The following PDE7B variants were observed in gnomAD, a reference collection of about 807,000 sequenced individuals.
The protein encoded by PDE7B is 3',5'-cyclic-AMP phosphodiesterase 7B.
A neutral mutation model predicts 56.2 loss-of-function variants in PDE7B; 29 were observed. That is an observed-to-expected ratio of 0.52 (90% CI 0.38 to 0.70). PDE7B has a LOEUF of 0.70. PDE7B is among the 30% of genes least tolerant of loss of function. PDE7B has a pLI of 0.00. For synonymous variants in PDE7B, 197 were observed against 196.9 expected (o/e 1.00, Z 0.00); for missense variants, 490 against 565.0 (o/e 0.87, Z 1.35).
chr6:136,171,679 C>T (rs1301712144), intron 8 of PDE7B, among the ~76,000 whole-genome samples: 4 of 151,702 alleles, frequency 2.6e-5, no homozygotes, highest in African/African-American at 9.7e-5. Context: ...GGTACATGTG[C>T]ACAATGTGCA....
intron 2 of PDE7B, among the ~76,000 whole-genome samples, chr6:135,969,802 A>G (rs969325493): frequency 6.6e-6 from 1 of 152,208 alleles, no homozygotes; most frequent in African/African-American, 2.4e-5. Flanking sequence ...AACTATCATC[A>G]GCGTCTGAGT....
chr6:136,155,438 A>G (rs1244001518), intron 7 of PDE7B, among the ~76,000 whole-genome samples, 189 bp from the exon 8 acceptor site: 1 of 152,218 alleles, frequency 6.6e-6, no homozygotes, highest in Non-Finnish European at 1.5e-5. Flanking sequence ...AATATTTTCC[A>G]CACAGTCCTT....
chr6:136,158,746 C>G (rs892581228), intron 8 of PDE7B, among the ~76,000 whole-genome samples: 5 of 152,144 alleles, frequency 3.3e-5, no homozygotes, highest in African/African-American at 1.2e-4. Context: ...CTTGGCACCT[C>G]TCTCATCAGA....
intron 5 of PDE7B, among the ~76,000 whole-genome samples, chr6:136,150,859 G>GTGTGTGTGTGTA (rs1161659212): frequency 2.5e-4 from 38 of 152,042 alleles, no homozygotes; most frequent in African/African-American, 8.9e-4. Flanking sequence ...ATACACATGT[G>GTGTGTGTGTGTA]TGTGTGTGTG....
At chr6:136,116,417 T>A (rs1478017022) in intron 3 of PDE7B, among the ~76,000 whole-genome samples, 3 of 152,164 alleles carry the variant, frequency 2.0e-5, no homozygotes, top group East Asian at 3.8e-4. Flanking sequence ...TTTGAGAAAA[T>A]TAACTAACAT....
chr6:136,138,260 T>C (rs1230997606), intron 3 of PDE7B, among the ~76,000 whole-genome samples: 1 of 152,144 alleles, frequency 6.6e-6, no homozygotes, highest in Non-Finnish European at 1.5e-5. Flanking sequence ...AAAGTAAATA[T>C]GGTAGCTATG....
intron 2 of PDE7B, among the ~76,000 whole-genome samples, chr6:136,008,742 T>C (rs1455019386): frequency 6.6e-6 from 1 of 152,220 alleles, no homozygotes; most frequent in South Asian, 2.1e-4. Flanking sequence ...TAGCCCTTTG[T>C]CAGATGAGTA....
At chr6:136,027,166 T>C (rs957035164) in intron 2 of PDE7B, among the ~76,000 whole-genome samples, 3 of 152,206 alleles carry the variant, frequency 2.0e-5, no homozygotes, top group African/African-American at 7.2e-5. Context: ...TCTGGAACTG[T>C]GAGAAATGAA....
intron 2 of PDE7B, chr6:136,072,428 G>A (rs1474914711): frequency 1.3e-5 from 2 of 152,324 alleles, no homozygotes; most frequent in African/African-American, 4.8e-5. Flanking sequence ...GGGCTCAAGC[G>A]ATCCTCCTGC....
In PDE7B at chr6:135,977,837, T is replaced by C. The variant is rs370383447; in HGVS notation, c.82+30313T>C. Reference sequence around the variant, plus strand: ...AGCTATTAGGTGGGGGCAAAAGTAATTGTGGTTTTTGCCATGAAAGTAATG... The same window carrying C: ...AGCTATTAGGTGGGGGCAAAAGTAACTGTGGTTTTTGCCATGAAAGTAATG... On this transcript the variant is annotated intron_variant, in intron 2 of 12. Transcript: ENST00000308191. 9.9e-5 allele frequency among the ~76,000 whole-genome samples: 15 copies of C among 152,248 alleles called. 1 individual carries two copies. The highest frequency in any genetic ancestry group is 5.2e-4 in the Admixed American group (8 of 15,282).
At chr6:135,941,257 T>G (rs1192219498) in intron 1 of PDE7B, among the ~76,000 whole-genome samples, 1 of 152,214 alleles carries the variant, frequency 6.6e-6, no homozygotes, top group Non-Finnish European at 1.5e-5. Flanking sequence ...GTTTGATTTT[T>G]TTTTTCCCCA....
intron 7 of PDE7B, among the ~76,000 whole-genome samples, chr6:136,155,203 A>G (rs1778584498): frequency 6.6e-6 from 1 of 152,188 alleles, no homozygotes; most frequent in South Asian, 2.1e-4. Flanking sequence ...GATATATTAG[A>G]CAGTTGAAAT....
At chr6:135,997,792 A>T (rs1775592213) in intron 2 of PDE7B, among the ~76,000 whole-genome samples, 1 of 152,220 alleles carries the variant, frequency 6.6e-6, no homozygotes, top group Non-Finnish European at 1.5e-5. Flanking sequence ...ATACAATATC[A>T]ACTATGTAAT....
In PDE7B at chr6:135,935,089, TAATATATATTTCTCTATATATTTTATATA is replaced by T. The variant is rs1351061592; in HGVS notation, c.22-12374_22-12346del. The stretch of plus-strand genomic sequence containing the variant: ...ATATATTTATATATAAATAAATATA[TAATATATATTTCTCTATATATTTTATATA>T]GAGAGAGATGAAGTATATATTTATA... On this transcript the variant is annotated intron_variant, in intron 1 of 12. Transcript: ENST00000308191. Among the ~76,000 whole-genome samples, 14 of 86,344 alleles carry T rather than the reference TAATATATATTTCTCTATATATTTTATATA, an allele frequency of 1.6e-4. 1 individual carries two copies. The highest frequency in any genetic ancestry group is 7.2e-4 in the African/African-American group (14 of 19,422). The allele number at this position is 86,344 out of a possible 152,430, so 56.6% of individuals were successfully genotyped here.
intron 1 of PDE7B, among the ~76,000 whole-genome samples, chr6:135,914,981 T>TACTTGGGAGGCTAAAGCAGGAG (rs1776275841): frequency 6.6e-6 from 1 of 151,606 alleles, no homozygotes; most frequent in African/African-American, 2.4e-5. Flanking sequence ...TAATCCCAGC[T>TACTTGGGAGGCTAAAGCAGGAG]ACTTGGGAGG....
intron 2 of PDE7B, among the ~76,000 whole-genome samples, chr6:136,036,280 A>G (rs1387658218): frequency 6.6e-6 from 1 of 152,230 alleles, no homozygotes; most frequent in Non-Finnish European, 1.5e-5. Context: ...CTAATCAAGT[A>G]GACCGCTGAT....
At chr6:136,145,144 A>T (rs1046590111) in intron 3 of PDE7B, among the ~76,000 whole-genome samples, 1 of 152,102 alleles carries the variant, frequency 6.6e-6, no homozygotes, top group Admixed American at 6.6e-5. Context: ...TTCTACATTT[A>T]TCAGTTGGCA....
chr6:136,073,357 A>G (rs1697036573), intron 2 of PDE7B, among the ~76,000 whole-genome samples: 1 of 152,198 alleles, frequency 6.6e-6, no homozygotes. Flanking sequence ...ACTGAGTCAT[A>G]AAATTACGGG....
intron 11 of PDE7B, among the ~76,000 whole-genome samples, chr6:136,184,517 G>A (rs920225582): frequency 1.3e-5 from 2 of 152,118 alleles, no homozygotes; most frequent in African/African-American, 2.4e-5. Flanking sequence ...TGCCACAGTG[G>A]GCAACGTAGA....
Sources: gnomAD v4.1 joint callset for allele counts (sites outside exome capture counted in the v4.1 genomes callset) on GRCh38, gnomAD v4.1.1 for gene constraint, MANE v1.5 for transcripts, NCBI Gene and HGNC (gene_info 2026-07-23, HGNC 2026-07-21) for gene names.